Variants in DAB1 observed in about 807,000 individuals in gnomAD.
The protein encoded by DAB1 is DAB adaptor protein 1, also known as disabled homolog 1.
A neutral mutation model predicts 64.6 loss-of-function variants in DAB1; 15 were observed. The observed-to-expected ratio is 0.23, with a 90% CI of 0.16 to 0.36. The LOEUF is 0.36. Ranked by LOEUF, DAB1 falls within the 10% of genes least tolerant of loss-of-function variation. DAB1 has a pLI of 1.00. For missense variants in DAB1, 596 were observed against 706.7 expected (o/e 0.84, Z 1.78); for synonymous variants, 235 against 251.9 (o/e 0.93, Z 0.64).
chr1:57,422,114 CT>C (rs1684959557), intron 1 of DAB1, among the ~76,000 whole-genome samples: 1 of 152,174 alleles, frequency 6.6e-6, no homozygotes, highest in Non-Finnish European at 1.5e-5. Context: ...CCAACGTGAA[CT>C]GGATAATTAG....
At chr1:57,408,489 G>T (rs935208271) in intron 1 of DAB1, among the ~76,000 whole-genome samples, 1 of 152,144 alleles carries the variant, frequency 6.6e-6, no homozygotes, top group Non-Finnish European at 1.5e-5. Context: ...ACCACTAAAT[G>T]AGTTACCCAA....
Position 58,180,168 on chromosome 1 carries a change from T to C in DAB1, n.310-29580A>G, listed in dbSNP as rs919568335. On this transcript the variant is annotated intron_variant and non_coding_transcript_variant, in intron 4 of 20. Coordinates refer to the DAB1 transcript ENST00000485760. ...CCCCACAGATAACAAAAAACAACTG[T>C]ATTTCCTTACTTCTACTTGCTTTGG... 2.0e-5 allele frequency among the ~76,000 whole-genome samples: 3 copies of C among 151,828 alleles called. 1 individual carries two copies. Among genetic ancestry groups the C allele is most frequent in the Non-Finnish European group, 4.4e-5 (3 of 68,000 alleles).
At chr1:57,144,885 A>T (rs545365025) in intron 3 of DAB1, among the ~76,000 whole-genome samples, 3 of 152,290 alleles carry the variant, frequency 2.0e-5, no homozygotes, top group African/African-American at 7.2e-5. Flanking sequence ...AATGAATAAA[A>T]TCAACTTTTA....
At chr1:57,600,228 T>C (rs1645561084) in intron 7 of DAB1, among the ~76,000 whole-genome samples, 1 of 152,174 alleles carries the variant, frequency 6.6e-6, no homozygotes. Context: ...ATCTGGGGTC[T>C]TGTTCACCAT....
At chr1:57,702,375 T>C (rs1646917343) in intron 6 of DAB1, among the ~76,000 whole-genome samples, 1 of 152,204 alleles carries the variant, frequency 6.6e-6, no homozygotes. Context: ...TCCCTTACTT[T>C]GCTCATGCAA....
At position 57,769,129 on chromosome 1, in the gene DAB1, T is replaced by C. The variant is rs143476425; in HGVS notation, n.551+114870A>G. Reference sequence around the variant, plus strand: ...TCATAGCAGAGGGCCTGCTGCATGGTACATGCTCCGTGGGCTATTAAGAAA... The same window carrying C: ...TCATAGCAGAGGGCCTGCTGCATGGCACATGCTCCGTGGGCTATTAAGAAA... On this transcript the variant is annotated intron_variant and non_coding_transcript_variant, in intron 6 of 20. Coordinates refer to the DAB1 transcript ENST00000485760. Among the ~76,000 whole-genome samples the C allele has an allele frequency of 2.8e-4, 43 of 152,286 alleles. No individual in the cohort carries two copies. The East Asian group carries it at 5.0e-3, about 18-fold the overall frequency.
At chr1:58,488,677 C>G (rs895758614) in intron 3 of DAB1, among the ~76,000 whole-genome samples, 25 of 152,166 alleles carry the variant, frequency 1.6e-4, no homozygotes, top group African/African-American at 5.5e-4. Context: ...GTCTTGAACT[C>G]CCGACCTCAG....
At chr1:57,182,530 T>C (rs746386917) in intron 2 of DAB1, among the ~76,000 whole-genome samples, 4 of 152,202 alleles carry the variant, frequency 2.6e-5, no homozygotes, top group Non-Finnish European at 5.9e-5. Context: ...CTGTGCTGTA[T>C]TCTTGGGATA....
chr1:58,242,621 T>A (rs1304462649), intron 4 of DAB1, among the ~76,000 whole-genome samples: 2 of 152,174 alleles, frequency 1.3e-5, no homozygotes, highest in South Asian at 4.1e-4. Flanking sequence ...TTTTTACAAT[T>A]AATTTGTATT....
At chr1:57,366,664 T>C (rs1680020065) in intron 1 of DAB1, among the ~76,000 whole-genome samples, 1 of 152,254 alleles carries the variant, frequency 6.6e-6, no homozygotes, top group African/African-American at 2.4e-5. Context: ...GAATTATACC[T>C]ACAAAACTTA....
chr1:58,089,664 T>C (rs1000415467), intron 5 of DAB1, among the ~76,000 whole-genome samples: 1 of 152,204 alleles, frequency 6.6e-6, no homozygotes, highest in African/African-American at 2.4e-5. Flanking sequence ...GCAGCCTTAA[T>C]TTCCGAGGTG....
intron 2 of DAB1, among the ~76,000 whole-genome samples, chr1:58,520,517 A>G (rs976366332): frequency 6.6e-6 from 1 of 152,206 alleles, no homozygotes; most frequent in East Asian, 1.9e-4. Flanking sequence ...AATTAAACAA[A>G]TAGACTAACT....
intron 7 of DAB1, among the ~76,000 whole-genome samples, chr1:57,476,226 C>CAAAAAAAAAAAAAAAAAAAAAA (rs57483030): frequency 1.7e-5 from 1 of 57,164 alleles, no homozygotes; most frequent in Non-Finnish European, 3.6e-5. Flanking sequence ...AACTCCACTT[C>CAAAAAAAAAAAAAAAAAAAAAA]AAAAAAAAAA....
intron 6 of DAB1, among the ~76,000 whole-genome samples, chr1:57,757,479 C>T (rs1005046523): frequency 3.3e-5 from 5 of 151,990 alleles, no homozygotes; most frequent in Non-Finnish European, 5.9e-5. Flanking sequence ...TAGCTTCTGG[C>T]GTTTGCTGCC....
chr1:57,843,719 G>C (rs1023649310), intron 1 of DAB1, among the ~76,000 whole-genome samples: 5 of 152,092 alleles, frequency 3.3e-5, no homozygotes, highest in African/African-American at 1.2e-4. Flanking sequence ...GAATTACCCT[G>C]GCTTTCCCCC....
At chr1:58,250,160 C>T (rs1016810744) in intron 4 of DAB1, among the ~76,000 whole-genome samples, 2 of 152,184 alleles carry the variant, frequency 1.3e-5, no homozygotes, top group African/African-American at 4.8e-5. Context: ...GACGGACAGG[C>T]GCCCGCGGCC....
intron 5 of DAB1, among the ~76,000 whole-genome samples, chr1:58,040,194 A>G (rs535647644): frequency 7.2e-5 from 11 of 152,330 alleles, no homozygotes; most frequent in African/African-American, 1.9e-4. Context: ...TCCCCTTTGC[A>G]TCTGTTCCAT....
At chr1:57,569,638 C>A (rs1242185765) in intron 7 of DAB1, among the ~76,000 whole-genome samples, 1 of 151,850 alleles carries the variant, frequency 6.6e-6, no homozygotes, top group Non-Finnish European at 1.5e-5. Context: ...AGGAGATAAA[C>A]CTAATGTAAA....
At chr1:57,998,580 T>G (rs1646462645) in intron 5 of DAB1, among the ~76,000 whole-genome samples, 1 of 152,118 alleles carries the variant, frequency 6.6e-6, no homozygotes, top group African/African-American at 2.4e-5. Flanking sequence ...GCCAGGCTGG[T>G]CTCAAACTTC....
Sources: gnomAD v4.1 joint callset for allele counts (sites outside exome capture counted in the v4.1 genomes callset) on GRCh38, gnomAD v4.1.1 for gene constraint, MANE v1.5 for transcripts, NCBI Gene and HGNC (gene_info 2026-07-23, HGNC 2026-07-21) for gene names.